Variants in SLC4A7 observed in about 807,000 individuals in gnomAD.
SLC4A7 encodes the protein solute carrier family 4 member 7.
A neutral mutation model predicts 137.6 loss-of-function variants in SLC4A7; 51 were observed. The observed-to-expected ratio is 0.37, with a 90% CI of 0.30 to 0.47. SLC4A7 has a LOEUF of 0.47. SLC4A7 is among the 20% of genes least tolerant of loss of function. The pLI is 1.00. For missense variants in SLC4A7, 1,247 were observed against 1,525.4 expected, an observed-to-expected ratio of 0.82 and a Z score of 3.04; for synonymous variants, 542 against 518.6, an observed-to-expected ratio of 1.05 and a Z score of -0.61.
At chr3:27,422,950 C>CTA in intron 8 of SLC4A7, 1 of 347,530 alleles carries the variant, frequency 2.9e-6, no homozygotes, top group Non-Finnish European at 5.8e-6. Flanking sequence ...TAGAGGAACT[C>CTA]TATAATGTAA....
chr3:27,482,757 G>A (rs2059769820), intron 1 of SLC4A7, among the ~76,000 whole-genome samples: 1 of 151,810 alleles, frequency 6.6e-6, no homozygotes, highest in Non-Finnish European at 1.5e-5. Context: ...GGGCGACAGA[G>A]CGAGACTCTG....
chr3:27,483,786 G>C (rs2150780010), intron 1 of SLC4A7, among the ~76,000 whole-genome samples: 1 of 152,014 alleles, frequency 6.6e-6, no homozygotes, highest in South Asian at 2.1e-4. Context: ...GGCCTCTGCG[G>C]GGATGTCGGG....
At chr3:27,407,076 T>C (rs1411163011) in intron 13 of SLC4A7, among the ~76,000 whole-genome samples, 1 of 150,352 alleles carries the variant, frequency 6.7e-6, no homozygotes, top group Non-Finnish European at 1.5e-5. Flanking sequence ...TCTCCTAATC[T>C]TGGGCTGAAA....
chr3:27,385,827 C>A, intron 23 of SLC4A7, 65 bp downstream of exon 23: 1 of 1,076,670 alleles, frequency 9.3e-7, no homozygotes, highest in Non-Finnish European at 1.3e-6. Context: ...TATAATGGTG[C>A]CTGCAATATG....
chr3:27,386,589 T>A (rs137939223), intron 22 of SLC4A7, among the ~76,000 whole-genome samples: 1 of 152,152 alleles, frequency 6.6e-6, no homozygotes, highest in African/African-American at 2.4e-5. Context: ...CTTTTGTTTA[T>A]GCATTTATGA....
At chr3:27,410,060 G>C (rs1396116191) in intron 12 of SLC4A7, among the ~76,000 whole-genome samples, 1 of 152,068 alleles carries the variant, frequency 6.6e-6, no homozygotes, top group Non-Finnish European at 1.5e-5. Context: ...GTATAAAAGG[G>C]GGAAAGAAAT....
chr3:27,409,619 GT>G, intron 12 of SLC4A7, 89 bp from the exon 13 acceptor site: 1 of 900,840 alleles, frequency 1.1e-6, no homozygotes, highest in Non-Finnish European at 1.7e-6. Context: ...AAAACTGCTG[GT>G]GCCTAGGTGT....
At chr3:27,414,917 G>A (rs2054239093) in intron 11 of SLC4A7, among the ~76,000 whole-genome samples, 1 of 152,180 alleles carries the variant, frequency 6.6e-6, no homozygotes, top group Non-Finnish European at 1.5e-5. Context: ...CATCTGGACA[G>A]TTTTCTCCAA....
chr3:27,379,226 AAC>A, intron 25 of SLC4A7, 21 bp downstream of exon 25: 1 of 1,334,752 alleles, frequency 7.5e-7, no homozygotes, highest in Middle Eastern at 1.8e-4. Context: ...ACAGTTAGAA[AAC>A]ACACAAATAG....
intron 24 of SLC4A7, among the ~76,000 whole-genome samples, chr3:27,379,584 C>T (rs1001600211): frequency 3.3e-5 from 5 of 152,156 alleles, no homozygotes; most frequent in Non-Finnish European, 7.4e-5. Flanking sequence ...TGGAACTTTG[C>T]TTCAGAATCC....
At chr3:27,443,709 C>T (rs1167037386) in intron 3 of SLC4A7, among the ~76,000 whole-genome samples, 1 of 152,184 alleles carries the variant, frequency 6.6e-6, no homozygotes, top group African/African-American at 2.4e-5. Flanking sequence ...TTAGTCCTCA[C>T]TCTGCACAGT....
chr3:27,443,614 A>G (rs1441768457), intron 3 of SLC4A7, among the ~76,000 whole-genome samples: 4 of 151,844 alleles, frequency 2.6e-5, no homozygotes, highest in African/African-American at 9.7e-5. Flanking sequence ...ACTGATTTCA[A>G]CTTTTTTCTG....
In SLC4A7 at chr3:27,444,855, T is replaced by A. The variant is rs1239576164; in HGVS notation, c.289+3796A>T. Among the ~76,000 whole-genome samples, 3 of 152,208 alleles carry A rather than the reference T, an allele frequency of 2.0e-5. No homozygotes were observed. In the East Asian group the frequency reaches 5.8e-4, roughly 29 times the overall value. ...TTTATATCCCTGATAATTTTTGGATTCCAGATATTGTGAAATTTAACATGG... is the reference window on the plus strand; with the variant it reads ...TTTATATCCCTGATAATTTTTGGATACCAGATATTGTGAAATTTAACATGG... On this transcript the variant is annotated intron_variant, in intron 3 of 25. Transcript: ENST00000454389.
chr3:27,436,351 C>G, intron 5 of SLC4A7, 37 bp downstream of exon 5: 1 of 1,519,190 alleles, frequency 6.6e-7, no homozygotes, highest in Non-Finnish European at 9.1e-7. Context: ...AATTCCACTA[C>G]ACCTTACATA....
chr3:27,379,385 T>C (rs1201829682), intron 24 of SLC4A7, 29 bp from the exon 25 acceptor site: 1 of 1,158,532 alleles, frequency 8.6e-7, no homozygotes, highest in Non-Finnish European at 1.2e-6. Context: ...TTTTGGTTAG[T>C]ATTCAGTACT....
intron 11 of SLC4A7, among the ~76,000 whole-genome samples, chr3:27,413,826 T>A (rs967721062): frequency 5.9e-5 from 9 of 152,232 alleles, no homozygotes; most frequent in African/African-American, 1.9e-4. Flanking sequence ...AAGCCCATGC[T>A]ACTTAACACT....
At chr3:27,462,071 T>A (rs1341442895) in intron 1 of SLC4A7, among the ~76,000 whole-genome samples, 2 of 146,472 alleles carry the variant, frequency 1.4e-5, no homozygotes, top group Non-Finnish European at 3.1e-5. Context: ...ACCCATCAGA[T>A]TAGCAAAACA....
chr3:27,414,900 T>G (rs1207352953), intron 11 of SLC4A7, among the ~76,000 whole-genome samples: 1 of 152,206 alleles, frequency 6.6e-6, no homozygotes, highest in Non-Finnish European at 1.5e-5. Context: ...TGTTAAGTCA[T>G]GCACAACATC....
At chr3:27,390,734 T>A (rs1472680168) in intron 21 of SLC4A7, among the ~76,000 whole-genome samples, 2 of 152,156 alleles carry the variant, frequency 1.3e-5, no homozygotes, top group African/African-American at 4.8e-5. Flanking sequence ...CACTAGCCTA[T>A]GAGTTGGAAA....
Sources: allele counts gnomAD v4.1 joint callset (sites outside exome capture counted in the v4.1 genomes callset), GRCh38; gene constraint gnomAD v4.1.1; transcripts MANE v1.5; gene names NCBI Gene and HGNC (gene_info 2026-07-23, HGNC 2026-07-21).